SLC6A3: variants seen among roughly 807,000 people sequenced by gnomAD.
SLC6A3 encodes the protein solute carrier family 6 member 3, also known as sodium-dependent dopamine transporter.
SLC6A3 carries 19 observed loss-of-function variants against 70.4 expected under a neutral mutation model. The ratio of observed to expected loss-of-function variants is 0.27; its 90% CI spans 0.19 to 0.40. The LOEUF is 0.40. Among genes scored for constraint, SLC6A3 ranks in the 10% least tolerant of loss-of-function variants. SLC6A3 has a pLI of 1.00. For missense variants in SLC6A3, 613 were observed against 838.5 expected (o/e 0.73, Z 3.32); for synonymous variants, 368 against 356.6 (o/e 1.03, Z -0.36).
rs1031481604 is a variant in SLC6A3, at chr5:1,437,176, G to A, written c.418+4183C>T. Among the ~76,000 whole-genome samples the A allele has an allele frequency of 1.9e-4, 29 of 151,836 alleles. No homozygotes were observed. Among genetic ancestry groups the A allele is most frequent in the African/African-American group, 5.1e-4 (21 of 41,324 alleles). ...TGGGGCAGGAGAATCGCTTGAACCC[G>A]GGACGCGCAGGTGACAGTGAGCCAA... On this transcript the variant is annotated intron_variant, in intron 3 of 14. Transcript: ENST00000270349. The surrounding 1 kb of genome is among the most constrained non-coding windows in gnomAD (Gnocchi z 4.8).
In SLC6A3 at chr5:1,406,603, G is replaced by GGCCCCAGCACCCCCGC. The variant is rs1187478573; in HGVS notation, c.1499-316_1499-315insGCGGGGGTGCTGGGGC. Among the ~76,000 whole-genome samples, 1 of 152,164 alleles carries GGCCCCAGCACCCCCGC rather than the reference G, an allele frequency of 6.6e-6. No individual in the cohort carries two copies. Among genetic ancestry groups the GGCCCCAGCACCCCCGC allele is most frequent in the African/African-American group, 2.4e-5 (1 of 41,442 alleles). Reference sequence around the variant, plus strand: ...CCCATGGCTCTCCCTGTCTCCCTCTGCTGCTGGTACTTCTTGTTCACTTAA... The same window carrying GGCCCCAGCACCCCCGC: ...CCCATGGCTCTCCCTGTCTCCCTCTGGCCCCAGCACCCCCGCCTGCTGGTACTTCTTGTTCACTTAA... On this transcript the variant is annotated intron_variant, in intron 11 of 14. Coordinates refer to ENST00000270349, the MANE Select transcript of SLC6A3 (RefSeq NM_001044.5). The surrounding 1 kb of genome is among the most constrained non-coding windows in gnomAD (Gnocchi z 8.8).
intron 3 of SLC6A3, 97 bp from the exon 4 acceptor site, chr5:1,432,795 C>T (rs1756736860): frequency 2.4e-6 from 2 of 841,872 alleles, no homozygotes; most frequent in Non-Finnish European, 4.0e-6. Context: ...GGAGACATTA[C>T]CCTGAGCCCA....
chr5:1,416,292 C>T (rs1756289982), intron 6 of SLC6A3, 91 bp from the exon 7 acceptor site: 5 of 873,036 alleles, frequency 5.7e-6, no homozygotes, highest in East Asian at 2.5e-5. Flanking sequence ...CAGCCCCACA[C>T]TGAGGCCTCT....
chr5:1,420,680 C>T lies in SLC6A3; in HGVS notation c.816G>A (p.Met272Ile). 1 of 1,613,490 alleles carries T rather than the reference C, an allele frequency of 6.2e-7. No homozygotes were observed. Among genetic ancestry groups the T allele is most frequent in the South Asian group, 1.1e-5 (1 of 91,086 alleles). Residue 272 changes from methionine to isoleucine, a missense_variant, in exon 6 of 15, where the codon ATG (methionine) becomes ATA (isoleucine). Coordinates refer to ENST00000270349, the MANE Select transcript of SLC6A3 (RefSeq NM_001044.5). ...GCAGGGCAGTGAGGACCACGTATGG[C>T]ATGGTGGCTGTGATCCATACCACCT... is the stretch of plus-strand genomic sequence containing the variant. Reference protein sequence around the residue: ...SGKVVWITATMPYVVLTALLL... With the variant: ...SGKVVWITATIPYVVLTALLL...
In SLC6A3 at chr5:1,397,532, G is replaced by A. The variant is rs1755750078; in HGVS notation, c.1840-2774C>T. ...GAAAGCAGAAGAAACTCGGCCGAGTGCAGGGGTGAGGACAGAGCCCACCAC... is the reference window on the plus strand; with the variant it reads ...GAAAGCAGAAGAAACTCGGCCGAGTACAGGGGTGAGGACAGAGCCCACCAC... On this transcript the variant is annotated intron_variant, in intron 14 of 14. Coordinates refer to ENST00000270349, the MANE Select transcript of SLC6A3 (RefSeq NM_001044.5). This position sits in a 1 kb window ranked among gnomAD's most constrained non-coding sequence, Gnocchi z 4.7. Among the ~76,000 whole-genome samples the A allele has an allele frequency of 6.6e-6, 1 of 152,184 alleles. No homozygotes were observed.
chr5:1,411,092 A>G lies in SLC6A3; in HGVS notation c.1269+151T>C, dbSNP rs554680994. 1.6e-5 allele frequency: 11 copies of G among 686,702 alleles called. No homozygotes were observed. Among genetic ancestry groups the G allele is most frequent in the Middle Eastern group, 3.4e-4 (1 of 2,960 alleles). The allele number at this position is 686,702 out of a possible 1,614,324, so 42.5% of individuals were successfully genotyped here. A position where few individuals can be genotyped will look rare whatever the true frequency, so the allele number is the denominator to read the frequency against. ...CTCCAGCCCCGAGAAAGGTCTCCCA[A>G]ATAATCACGGGGCTCGCCCAAGTCA... On this transcript the variant is annotated intron_variant, in intron 9 of 14. Transcript: ENST00000270349. The surrounding 1 kb of genome is among the most constrained non-coding windows in gnomAD (Gnocchi z 6.5).
At chr5:1,400,855 C>T (rs985712000) in intron 14 of SLC6A3, 60 bp downstream of exon 14, 13 of 1,322,888 alleles carry the variant, frequency 9.8e-6, no homozygotes, top group Non-Finnish European at 1.4e-5. Context: ...GCTAAGAACA[C>T]TGAGCTTGGG....
At position 1,406,063 on chromosome 5, in the gene SLC6A3, G is replaced by A. The variant is rs1434661231; in HGVS notation, c.1599+125C>T. The A allele has an allele frequency of 1.2e-5, 9 of 748,748 alleles. No individual in the cohort carries two copies. The highest frequency in any genetic ancestry group is 3.3e-4 in the Middle Eastern group (1 of 2,992). The allele number at this position is 748,748 out of a possible 1,614,324, so 46.4% of individuals were successfully genotyped here. ...AGGGATCAGCCTGTCCTTCTGGGCC[G>A]AGTCTTGAGGCCCCTGACTCCAGCC... On this transcript the variant is annotated intron_variant, in intron 12 of 14. Coordinates refer to ENST00000270349, the MANE Select transcript of SLC6A3 (RefSeq NM_001044.5). This position sits in a 1 kb window ranked among gnomAD's most constrained non-coding sequence, Gnocchi z 8.8.
chr5:1,427,826 CAG>C (rs1219761555), intron 4 of SLC6A3, among the ~76,000 whole-genome samples: 1 of 152,130 alleles, frequency 6.6e-6, no homozygotes, highest in Non-Finnish European at 1.5e-5. Flanking sequence ...CACTTCATAG[CAG>C]AGTTTCAAAA....
At position 1,437,755 on chromosome 5, in the gene SLC6A3, C is replaced by G. The variant is rs114801151; in HGVS notation, c.418+3604G>C. 0.012 allele frequency among the ~76,000 whole-genome samples: 1,843 copies of G among 152,360 alleles called. 36 individuals are homozygous for G. Among genetic ancestry groups the G allele is most frequent in the African/African-American group, 0.043 (1,771 of 41,586 alleles). The stretch of plus-strand genomic sequence containing the variant: ...GCAGGAGGGGAAGGGCCAGGAACAA[C>G]CAGGCTTCCTGGAGAGCTGGCTTCA... On this transcript the variant is annotated intron_variant, in intron 3 of 14. Transcript: ENST00000270349. The surrounding 1 kb of genome is among the most constrained non-coding windows in gnomAD (Gnocchi z 4.8).
At chr5:1,400,867 T>A in intron 14 of SLC6A3, 48 bp downstream of exon 14, 1 of 1,400,992 alleles carries the variant, frequency 7.1e-7, no homozygotes, top group Admixed American at 1.9e-5. Flanking sequence ...GAGCTTGGGA[T>A]CATTCTGAAT....
chr5:1,439,150 T>A (rs1756909553), intron 3 of SLC6A3, among the ~76,000 whole-genome samples: 1 of 152,174 alleles, frequency 6.6e-6, no homozygotes, highest in Admixed American at 6.5e-5. Context: ...TTCCGTTGGC[T>A]GCTGCATTCT....
intron 8 of SLC6A3, among the ~76,000 whole-genome samples, chr5:1,412,123 C>A (rs1756144451): frequency 6.6e-6 from 1 of 152,258 alleles, no homozygotes; most frequent in Admixed American, 6.5e-5. Flanking sequence ...CTGACCTCCG[C>A]CTTCCAGGCA....
chr5:1,423,999 TG>T, intron 4 of SLC6A3, among the ~76,000 whole-genome samples: 1 of 152,294 alleles, frequency 6.6e-6, no homozygotes, highest in South Asian at 2.1e-4. Context: ...TCCAGGGCCA[TG>T]TCCCAGGAAT....
In SLC6A3 at chr5:1,438,899, T is replaced by C. The variant is rs899527580; in HGVS notation, c.418+2460A>G. Among the ~76,000 whole-genome samples, 7 of 152,214 alleles carry C rather than the reference T, an allele frequency of 4.6e-5. No homozygotes were observed. Among genetic ancestry groups the C allele is most frequent in the Non-Finnish European group, 1.0e-4 (7 of 68,036 alleles). On this transcript the variant is annotated intron_variant, in intron 3 of 14. Coordinates refer to ENST00000270349, the MANE Select transcript of SLC6A3 (RefSeq NM_001044.5). This position sits in a 1 kb window ranked among gnomAD's most constrained non-coding sequence, Gnocchi z 6.5. ...TACCCCAGTGGGCCGGCTTCATCTCTGACTCAGCATCCCAAGGCTCTGAGC... is the reference window on the plus strand; with the variant it reads ...TACCCCAGTGGGCCGGCTTCATCTCCGACTCAGCATCCCAAGGCTCTGAGC...
At chr5:1,432,877 C>T (rs1006786706) in intron 3 of SLC6A3, among the ~76,000 whole-genome samples, 179 bp from the exon 4 acceptor site, 1 of 152,108 alleles carries the variant, frequency 6.6e-6, no homozygotes, top group Non-Finnish European at 1.5e-5. Context: ...AGGCCTGAGA[C>T]CAGATTTCAC....
rs1051868082 is a variant in SLC6A3 at position 1,404,837 on chromosome 5, A to G, written c.1599+1351T>C. Among the ~76,000 whole-genome samples, 1 of 152,252 alleles carries G rather than the reference A, an allele frequency of 6.6e-6. No individual in the cohort carries two copies. The highest frequency in any genetic ancestry group is 1.5e-5 in the Non-Finnish European group (1 of 68,046). On this transcript the variant is annotated intron_variant, in intron 12 of 14. Transcript: ENST00000270349. The surrounding 1 kb of genome is among the most constrained non-coding windows in gnomAD (Gnocchi z 5.2). The stretch of plus-strand genomic sequence containing the variant: ...TGTAGTTTTATCTAAAAGTCTACGA[A>G]GTGTGTTTCTGTATGAAGTTCGAAG...
chr5:1,415,699 G>C (rs1368591754), intron 7 of SLC6A3, among the ~76,000 whole-genome samples: 2 of 152,132 alleles, frequency 1.3e-5, no homozygotes, highest in African/African-American at 4.8e-5. Flanking sequence ...CATATGGGAT[G>C]GGGGGACACA....
At position 1,414,475 on chromosome 5, in the gene SLC6A3, T is replaced by TG. The variant is rs549470632; in HGVS notation, c.1156+215dup. On this transcript the variant is annotated intron_variant, in intron 8 of 14. Transcript: ENST00000270349. ...GGGGCAGGGCGGGGAAGGCGCTGGGTGGGGGGCCTGGAGGGTCAGGGCGGG... is the reference window on the plus strand; with the variant it reads ...GGGGCAGGGCGGGGAAGGCGCTGGGTGGGGGGGCCTGGAGGGTCAGGGCGGG... Among the ~76,000 whole-genome samples, 49 of 74,458 alleles carry TG rather than the reference T, an allele frequency of 6.6e-4. 1 individual carries two copies. The highest frequency in any genetic ancestry group is 0.012 in the Middle Eastern group (2 of 172). 48.8% of individuals were successfully genotyped at this position (74,458 alleles called of 152,430 possible).
Sources: allele counts gnomAD v4.1 joint callset (sites outside exome capture counted in the v4.1 genomes callset), GRCh38; gene constraint gnomAD v4.1.1; non-coding constraint Gnocchi (gnomAD v3.1); transcripts MANE v1.5; gene names NCBI Gene and HGNC (gene_info 2026-07-23, HGNC 2026-07-21).